Variants in NAV3 observed in about 807,000 individuals in gnomAD.
The protein encoded by NAV3 is pore membrane and/or filament interacting like protein 1.
NAV3 carries 87 observed loss-of-function variants against 244.7 expected under a neutral mutation model. The observed-to-expected ratio is 0.36, with a 90% CI of 0.30 to 0.42. NAV3 has a LOEUF of 0.42. NAV3 is among the 20% of genes least tolerant of loss of function. The probability of loss-of-function intolerance (pLI) is 1.00; values close to 1 mark genes in which losing one functional copy is unlikely to be tolerated. For missense variants in NAV3, 2,663 were observed against 2,893.3 expected, an observed-to-expected ratio of 0.92 and a Z score of 1.83; for synonymous variants, 1,126 against 1,042.2, an observed-to-expected ratio of 1.08 and a Z score of -1.55.
chr12:77,826,277 G>A (rs965692970), upstream of NAV3, among the ~76,000 whole-genome samples: 1 of 152,194 alleles, frequency 6.6e-6, no homozygotes, highest in Non-Finnish European at 1.5e-5. Flanking sequence ...GGAGGCCAAG[G>A]CAGGTGGATC....
intron 2 of NAV3, among the ~76,000 whole-genome samples, chr12:77,695,273 A>G (rs1262680864): frequency 6.6e-6 from 1 of 151,974 alleles, no homozygotes; most frequent in African/African-American, 2.4e-5. Context: ...TAGTAGTTTC[A>G]TGGTTAGAGG....
At chr12:77,609,255 G>C (rs1870805041) in intron 2 of NAV3, among the ~76,000 whole-genome samples, 2 of 152,006 alleles carry the variant, frequency 1.3e-5, no homozygotes, top group Admixed American at 1.3e-4. Flanking sequence ...GCTGAAATCT[G>C]ATACATCAGA....
At chr12:77,581,298 T>C (rs867023041) in intron 2 of NAV3, among the ~76,000 whole-genome samples, 1 of 152,198 alleles carries the variant, frequency 6.6e-6, no homozygotes, top group African/African-American at 2.4e-5. Context: ...TGCTCTGATT[T>C]AAATCTGGGA....
intron 2 of NAV3, among the ~76,000 whole-genome samples, chr12:77,758,891 G>A (rs1869324780): frequency 6.6e-6 from 1 of 152,164 alleles, no homozygotes; most frequent in African/African-American, 2.4e-5. Flanking sequence ...TTATTTAAGA[G>A]GCTAGGATTT....
At chr12:77,609,871 CT>C (rs1001605940) in intron 2 of NAV3, among the ~76,000 whole-genome samples, 23 of 151,994 alleles carry the variant, frequency 1.5e-4, no homozygotes, top group Admixed American at 1.4e-3. Flanking sequence ...TTATCACATA[CT>C]TTAAACAAAG....
At chr12:78,163,421 A>G (rs148132170) in intron 23 of NAV3, among the ~76,000 whole-genome samples, 60 of 152,220 alleles carry the variant, frequency 3.9e-4, no homozygotes, top group Admixed American at 9.8e-4. Context: ...TTATCATGCT[A>G]TTAGACTCAG....
chr12:78,119,541 C>T lies in NAV3; in HGVS notation c.3345C>T (p.Asp1115=), dbSNP rs747707170. ...KSNAGRKTSL[D]GSQNQDDVVL... ...ATGCAGGGAGAAAAACCAGTTTGGA[C>T]GGTTCACAGAATCAGGATGATGTTG... is the stretch of plus-strand genomic sequence containing the variant. The change falls in exon 15 of 40, where the codon GAC becomes GAT. Residue 1115 remains aspartate, a synonymous_variant. Transcript: ENST00000397909. The T allele has an allele frequency of 2.6e-5, 42 of 1,614,020 alleles. No homozygotes were observed. The highest frequency in any genetic ancestry group is 3.3e-5 in the South Asian group (3 of 91,086).
chr12:77,673,561 A>G (rs696471), intron 2 of NAV3, among the ~76,000 whole-genome samples: 22,846 of 151,956 alleles, frequency 0.15, 2,561 homozygotes, highest in African/African-American at 0.31. Flanking sequence ...AGATGCAATA[A>G]TTTTTTGAAC....
chr12:77,806,621 G>T (rs1034338058), intron 2 of NAV3, among the ~76,000 whole-genome samples: 1 of 152,172 alleles, frequency 6.6e-6, no homozygotes, highest in Non-Finnish European at 1.5e-5. Flanking sequence ...GCTATGTGGT[G>T]CTGAGAAGAA....
chr12:77,881,833 A>G (rs1172251717), intron 1 of NAV3, among the ~76,000 whole-genome samples: 1 of 152,140 alleles, frequency 6.6e-6, no homozygotes, highest in Non-Finnish European at 1.5e-5. Flanking sequence ...CAATAGCTGT[A>G]AAGAAAATGA....
In NAV3 at chr12:77,718,812, C is replaced by T. The variant is rs1277321472; in HGVS notation, c.72+146546C>T. Among the ~76,000 whole-genome samples the T allele has an allele frequency of 2.0e-5, 3 of 151,816 alleles. No homozygotes were observed. In the South Asian group the frequency reaches 6.2e-4, roughly 32 times the overall value. On this transcript the variant is annotated intron_variant, in intron 2 of 8. Transcript: ENST00000550042. ...AGCTGGGATTACAGGCATGCACCAC[C>T]ATGCCTAAAAATTTTGTATTTTTAG...
intron 9 of NAV3, among the ~76,000 whole-genome samples, chr12:78,044,966 G>A (rs1336126136): frequency 6.6e-6 from 1 of 152,138 alleles, no homozygotes; most frequent in Non-Finnish European, 1.5e-5. Flanking sequence ...CCAATACTAT[G>A]TTGAATAGGA....
chr12:77,645,558 A>C (rs367990955), intron 2 of NAV3, among the ~76,000 whole-genome samples: 9 of 150,440 alleles, frequency 6.0e-5, no homozygotes, highest in Admixed American at 1.3e-4. Context: ...AAAAAAAAAA[A>C]AACTTTCAAA....
At chr12:77,996,415 C>T (rs4761408) in intron 6 of NAV3, among the ~76,000 whole-genome samples, 125,374 of 152,182 alleles carry the variant, frequency 0.82, 51,794 homozygotes, top group Admixed American at 0.87. Context: ...TATTCTAATA[C>T]TTTGTATGAC....
At chr12:78,150,616 C>A (rs974857232) in intron 22 of NAV3, among the ~76,000 whole-genome samples, 3 of 145,970 alleles carry the variant, frequency 2.1e-5, no homozygotes, top group African/African-American at 7.6e-5. Flanking sequence ...TTAATACACA[C>A]GTGCAAAAGC....
chr12:77,963,558 CTG>C (rs760825071), intron 3 of NAV3, among the ~76,000 whole-genome samples: 51 of 152,048 alleles, frequency 3.4e-4, no homozygotes, highest in Non-Finnish European at 5.4e-4. Context: ...TTTTGGTAAA[CTG>C]TTAATTTTAA....
In NAV3 at chr12:77,838,311, A is replaced by T. The variant is rs562509288; in HGVS notation, c.243+6607A>T. Among the ~76,000 whole-genome samples, 7 of 152,246 alleles carry T rather than the reference A, an allele frequency of 4.6e-5. No individual in the cohort carries two copies. In the South Asian group the frequency reaches 1.5e-3, roughly 32 times the overall value. ...AAGGCTCAGCTTTTCATTATTGTAC[A>T]TTTATTGCTCTTGAGTAACAATTGG... On this transcript the variant is annotated intron_variant, in intron 1 of 39. Transcript: ENST00000397909.
chr12:78,097,832 A>G (rs1181269952), intron 12 of NAV3, among the ~76,000 whole-genome samples: 2 of 152,142 alleles, frequency 1.3e-5, no homozygotes, highest in East Asian at 1.9e-4. Context: ...ATTTTTACAT[A>G]ACGTTTCCCT....
intron 12 of NAV3, among the ~76,000 whole-genome samples, chr12:78,111,021 G>T (rs183993937): frequency 6.6e-6 from 1 of 152,090 alleles, no homozygotes; most frequent in East Asian, 1.9e-4. Flanking sequence ...AGACTGGAAA[G>T]GATGAATGGA....
Sources: allele counts gnomAD v4.1 joint callset (sites outside exome capture counted in the v4.1 genomes callset), GRCh38; gene constraint gnomAD v4.1.1; transcripts MANE v1.5; gene names NCBI Gene and HGNC (gene_info 2026-07-23, HGNC 2026-07-21).